CRYBG1: variants seen among roughly 807,000 people sequenced by gnomAD.
The protein encoded by CRYBG1 is crystallin beta-gamma domain containing 1.
In CRYBG1, 139 loss-of-function variants were observed where a neutral mutation model predicts 189.2. The observed-to-expected ratio is 0.73, with a 90% confidence interval of 0.64 to 0.85. The LOEUF is 0.85. Among genes scored for constraint, CRYBG1 ranks in the 40% least tolerant of loss-of-function variants. The pLI, the probability that CRYBG1 is intolerant of heterozygous loss-of-function variation, is 0.00. For synonymous variants in CRYBG1, 1,023 were observed against 1,017.1 expected (o/e 1.01, Z -0.11); for missense variants, 2,611 against 2,675.8 (o/e 0.98, Z 0.53).
chr6:106,518,352 G>A lies in CRYBG1; in HGVS notation c.1923-779G>A, dbSNP rs141814977. Among the ~76,000 whole-genome samples, 875 of 152,282 alleles carry A rather than the reference G, an allele frequency of 5.7e-3. 22 individuals carry two copies. The highest frequency in any genetic ancestry group is 0.033 in the Admixed American group (502 of 15,296). ...AAAATATCCAAAGCGGTCAATAGTAGATGAATTTTTAAAATCTATCCTTTT... is the reference window on the plus strand; with the variant it reads ...AAAATATCCAAAGCGGTCAATAGTAAATGAATTTTTAAAATCTATCCTTTT... On this transcript the variant is annotated intron_variant, in intron 3 of 21. Transcript: ENST00000633556.
chr6:106,388,502 A>G (rs1770435049), intron 1 of CRYBG1, among the ~76,000 whole-genome samples: 1 of 152,172 alleles, frequency 6.6e-6, no homozygotes, highest in Non-Finnish European at 1.5e-5. Context: ...CTTAAGAGCA[A>G]AGGCTCTTAT....
At position 106,518,586 on chromosome 6, in the gene CRYBG1, G is replaced by C. The variant is rs184305895; in HGVS notation, c.1923-545G>C. 7.9e-5 allele frequency among the ~76,000 whole-genome samples: 12 copies of C among 152,040 alleles called. No homozygotes were observed. In the South Asian group the frequency reaches 1.5e-3, roughly 18 times the overall value. On this transcript the variant is annotated intron_variant, in intron 3 of 21. Transcript: ENST00000633556. ...GAGTTTCTTGGCTATATAATCTTCC[G>C]ATCCCTCATATGCAAGCAAAACACC...
Position 106,367,584 on chromosome 6 carries a change from TAAAAAAAAAA to T in CRYBG1, c.173+6515_173+6524del, listed in dbSNP as rs35734014. On this transcript the variant is annotated intron_variant, in intron 1 of 21. Transcript: ENST00000633556. ...CCTGGCAACAGAGCCAGACTCTGTC[TAAAAAAAAAA>T]AAAAAAAAAAATCAAATACATATAT... Among the ~76,000 whole-genome samples the T allele has an allele frequency of 3.1e-4, 32 of 103,398 alleles. No homozygotes were observed. The Admixed American group carries it at 3.6e-3, about 12-fold the overall frequency. The allele number at this position is 103,398 out of a possible 152,430, so 67.8% of individuals were successfully genotyped here. A position where few individuals can be genotyped will look rare whatever the true frequency, so the allele number is the denominator to read the frequency against.
intron 1 of CRYBG1, among the ~76,000 whole-genome samples, chr6:106,382,775 T>C (rs1770310650): frequency 6.6e-6 from 1 of 152,256 alleles, no homozygotes; most frequent in Non-Finnish European, 1.5e-5. Context: ...ATAGTTTCTG[T>C]GCTATTGGCA....
chr6:106,461,899 C>T (rs541842639), intron 2 of CRYBG1, among the ~76,000 whole-genome samples: 77 of 152,236 alleles, frequency 5.1e-4, no homozygotes, highest in African/African-American at 1.7e-3. Context: ...CTGGAATCGA[C>T]ATGAAAATCC....
chr6:106,480,228 T>C (rs1772417387), intron 2 of CRYBG1, among the ~76,000 whole-genome samples: 1 of 152,162 alleles, frequency 6.6e-6, no homozygotes, highest in Non-Finnish European at 1.5e-5. Flanking sequence ...GCTATGTGGT[T>C]CTGGTTAGGC....
intron 1 of CRYBG1, among the ~76,000 whole-genome samples, chr6:106,424,043 T>C (rs1191248028): frequency 1.3e-5 from 2 of 152,082 alleles, no homozygotes; most frequent in Non-Finnish European, 2.9e-5. Context: ...TGATTTAAGA[T>C]AACCTAATAT....
chr6:106,369,555 A>G, intron 1 of CRYBG1, among the ~76,000 whole-genome samples: 1 of 152,238 alleles, frequency 6.6e-6, no homozygotes, highest in Non-Finnish European at 1.5e-5. Context: ...GTTTATAAGT[A>G]GTAGCATAAG....
intron 2 of CRYBG1, among the ~76,000 whole-genome samples, chr6:106,482,599 C>T (rs9486364): frequency 0.02 from 3,037 of 152,086 alleles, 81 homozygotes; most frequent in East Asian, 0.061. Context: ...CACCGTGAAA[C>T]CCCGTCTCTA....
At chr6:106,528,201 A>G (rs1291260908) in intron 7 of CRYBG1, among the ~76,000 whole-genome samples, 1 of 152,212 alleles carries the variant, frequency 6.6e-6, no homozygotes. Context: ...TTACTTCCTG[A>G]GTCAACATTT....
rs117356719 is a variant in CRYBG1 at position 106,485,853 on chromosome 6, G to A, written c.313-25577G>A. Among the ~76,000 whole-genome samples, 689 of 152,292 alleles carry A rather than the reference G, an allele frequency of 4.5e-3. 2 individuals carry two copies. The highest frequency in any genetic ancestry group is 7.6e-3 in the Non-Finnish European group (516 of 68,020). On this transcript the variant is annotated intron_variant, in intron 2 of 21. Coordinates refer to ENST00000633556, the MANE Select transcript of CRYBG1 (RefSeq NM_001371242.2). ...ATAGTGGATGATATTTTTAATTGCT[G>A]TTGAATTTGGTTTGCAAATACCTTG...
chr6:106,421,718 G>A (rs191973513), intron 1 of CRYBG1, among the ~76,000 whole-genome samples: 239 of 152,236 alleles, frequency 1.6e-3, no homozygotes, highest in Non-Finnish European at 2.2e-3. Context: ...ATCCACAGCT[G>A]TATTAGTCCA....
Position 106,525,162 on chromosome 6 carries a change from C to A in CRYBG1, c.4275C>A (p.Leu1425=). 1 of 1,614,086 alleles carries A rather than the reference C, an allele frequency of 6.2e-7. No homozygotes were observed. Among genetic ancestry groups the A allele is most frequent in the South Asian group, 1.1e-5 (1 of 91,068 alleles). Residue 1425 remains leucine, a synonymous_variant, in exon 5 of 22, where the codon CTC becomes CTA. Transcript: ENST00000633556. Reference sequence around the variant, plus strand: ...TTAGAGGAAGTGTCCAAAATAAACTCAATCCCCGACCTGGAAAGGTAAGAT... The same window carrying A: ...TTAGAGGAAGTGTCCAAAATAAACTAAATCCCCGACCTGGAAAGGTAAGAT... ...MTLRGSVQNK[L]NPRPGKVVIY... is the part of the protein sequence containing the mutation.
chr6:106,405,596 C>T (rs1438226111), intron 1 of CRYBG1, among the ~76,000 whole-genome samples: 2 of 152,230 alleles, frequency 1.3e-5, no homozygotes, highest in African/African-American at 4.8e-5. Context: ...CAGGGAGACA[C>T]CTTCCCGCAG....
chr6:106,543,300 G>C (rs1332239455), intron 10 of CRYBG1, 140 bp from the exon 11 acceptor site: 1 of 748,188 alleles, frequency 1.3e-6, no homozygotes. Flanking sequence ...AAAGTGCTGG[G>C]ATAACAGGCG....
chr6:106,399,853 C>G (rs566957751), intron 1 of CRYBG1, among the ~76,000 whole-genome samples: 1 of 151,796 alleles, frequency 6.6e-6, no homozygotes, highest in South Asian at 2.1e-4. Flanking sequence ...GAAAATATCT[C>G]CGGCCGGGTG....
intron 2 of CRYBG1, among the ~76,000 whole-genome samples, chr6:106,460,563 G>A (rs954662308): frequency 1.3e-5 from 2 of 152,056 alleles, no homozygotes; most frequent in African/African-American, 4.8e-5. Flanking sequence ...GGGGAATTGT[G>A]AGGGGGAAAA....
intron 3 of CRYBG1, among the ~76,000 whole-genome samples, chr6:106,518,011 CCATAT>C (rs1250893947): frequency 6.6e-6 from 1 of 152,086 alleles, no homozygotes; most frequent in Non-Finnish European, 1.5e-5. Context: ...GACGGTACAT[CCATAT>C]GATGGACTTC....
intron 2 of CRYBG1, among the ~76,000 whole-genome samples, chr6:106,491,469 G>A (rs527657638): frequency 6.6e-6 from 1 of 152,256 alleles, no homozygotes; most frequent in South Asian, 2.1e-4. Flanking sequence ...TACATGGTTT[G>A]TGGCCATTTC....
Sources: allele counts gnomAD v4.1 joint callset (sites outside exome capture counted in the v4.1 genomes callset), GRCh38; gene constraint gnomAD v4.1.1; transcripts MANE v1.5; gene names NCBI Gene and HGNC (gene_info 2026-07-23, HGNC 2026-07-21).